The following SLC35H1 variants were observed in gnomAD, a reference collection of about 807,000 sequenced individuals.
The protein encoded by SLC35H1 is ovarian cancer-overexpressed gene 1 protein.
At chr20:46,355,894 C>A in the SLC35H1 span, 1 of 1,614,030 alleles carries the variant, frequency 6.2e-7, no homozygotes, top group South Asian at 1.1e-5. This position sits in a 1 kb window ranked among gnomAD's most constrained non-coding sequence, Gnocchi z 4.8. Flanking sequence ...AAATTACCCA[C>A]AATGCACTGC....
At chr20:46,348,075 C>G in the SLC35H1 span, 2 of 151,512 alleles carry the variant, frequency 1.3e-5, no homozygotes, top group East Asian at 3.9e-4. Flanking sequence ...ATGCTGCAGC[C>G]CTGAGATGCA....
At chr20:46,354,823 G>T in the SLC35H1 span, 1 of 1,438,568 alleles carries the variant, frequency 7.0e-7, no homozygotes, top group South Asian at 1.2e-5. Context: ...GTTGGGCTCA[G>T]GGCGAGGATC....
At chr20:46,346,089 G>A in the SLC35H1 span, 1 of 152,200 alleles carries the variant, frequency 6.6e-6, no homozygotes, top group African/African-American at 2.4e-5. Flanking sequence ...GCATTTGAAT[G>A]CATTTTCCTC....
chr20:46,355,167 G>T, the SLC35H1 span: 10 of 1,614,122 alleles, frequency 6.2e-6, no homozygotes, highest in Non-Finnish European at 8.5e-6. This position sits in a 1 kb window ranked among gnomAD's most constrained non-coding sequence, Gnocchi z 4.8. Context: ...CCTCCACGTT[G>T]AACTGTGTGG....
chr20:46,361,675 TC>T, the SLC35H1 span, among the ~76,000 whole-genome samples: 28 of 151,868 alleles, frequency 1.8e-4, no homozygotes, highest in African/African-American at 6.0e-4. Context: ...GTCACATCCT[TC>T]CCCCCATCCC....
the SLC35H1 span, chr20:46,346,260 A>C: frequency 6.6e-6 from 1 of 152,230 alleles, no homozygotes; most frequent in Admixed American, 6.5e-5. Flanking sequence ...AACCATGGGA[A>C]CAGACGTTAA....
At chr20:46,355,675 G>T in the SLC35H1 span, 28 of 1,385,914 alleles carry the variant, frequency 2.0e-5, no homozygotes, top group Non-Finnish European at 2.8e-5. This position sits in a 1 kb window ranked among gnomAD's most constrained non-coding sequence, Gnocchi z 4.8. Flanking sequence ...CTCAGAAAGG[G>T]ATCTACTGCC....
At chr20:46,346,487 A>T in the SLC35H1 span, 1 of 152,152 alleles carries the variant, frequency 6.6e-6, no homozygotes, top group Non-Finnish European at 1.5e-5. Flanking sequence ...TCCTTCAAAA[A>T]ACAAGCATCT....
the SLC35H1 span, chr20:46,347,446 G>A: frequency 6.6e-6 from 1 of 152,264 alleles, no homozygotes; most frequent in Non-Finnish European, 1.5e-5. Flanking sequence ...CCTGGGCTGG[G>A]AGGAAGGCTG....
At chr20:46,354,431 G>A in the SLC35H1 span, among the ~76,000 whole-genome samples, 1 of 152,150 alleles carries the variant, frequency 6.6e-6, no homozygotes, top group Non-Finnish European at 1.5e-5. Flanking sequence ...CCATTCCTTA[G>A]AGGCAAGATA....
At chr20:46,350,522 C>G in the SLC35H1 span, 2 of 1,597,686 alleles carry the variant, frequency 1.3e-6, no homozygotes, top group Non-Finnish European at 1.7e-6. Flanking sequence ...GGGCCACCAT[C>G]ACCTTGGGAT....
the SLC35H1 span, chr20:46,358,631 G>A: frequency 1.3e-6 from 2 of 1,561,864 alleles, no homozygotes; most frequent in South Asian, 1.2e-5. Context: ...CCAGGCTGGA[G>A]GAGCTCTCTG....
the SLC35H1 span, among the ~76,000 whole-genome samples, chr20:46,357,281 C>T: frequency 1.1e-4 from 17 of 152,256 alleles, no homozygotes; most frequent in Non-Finnish European, 2.2e-4. Flanking sequence ...CCTCCATGTC[C>T]GTGTCACAGC....
chr20:46,351,457 G>A, the SLC35H1 span, among the ~76,000 whole-genome samples: 6 of 152,188 alleles, frequency 3.9e-5, no homozygotes, highest in African/African-American at 1.4e-4. Context: ...TGGCCAAAGA[G>A]AAAAGTCCCT....
chr20:46,355,907 G>A, the SLC35H1 span: 1 of 1,613,830 alleles, frequency 6.2e-7, no homozygotes, highest in African/African-American at 1.3e-5. The surrounding 1 kb of genome is among the most constrained non-coding windows in gnomAD (Gnocchi z 4.8). Context: ...TGCACTGCTG[G>A]AGCTCAGGGC....
At chr20:46,347,145 C>T in the SLC35H1 span, 1 of 152,326 alleles carries the variant, frequency 6.6e-6, no homozygotes, top group East Asian at 1.9e-4. Context: ...TCTGTAGAGA[C>T]AAGGAAACAG....
At chr20:46,354,975 G>C in the SLC35H1 span, 2 of 1,613,922 alleles carry the variant, frequency 1.2e-6, no homozygotes, top group Non-Finnish European at 1.7e-6. Flanking sequence ...CCTGCAGGGC[G>C]GGGGACAGGC....
chr20:46,358,875 C>T, the SLC35H1 span: 23 of 723,234 alleles, frequency 3.2e-5, no homozygotes, highest in South Asian at 2.3e-4. Context: ...CTGCCCACAA[C>T]GGCACAGGCA....
chr20:46,354,921 T>C, the SLC35H1 span: 2 of 1,613,276 alleles, frequency 1.2e-6, no homozygotes, highest in Non-Finnish European at 1.7e-6. Context: ...CCCAGGAACA[T>C]GAGTGGCTGC....
Sources: allele counts gnomAD v4.1 joint callset (sites outside exome capture counted in the v4.1 genomes callset), GRCh38; gene constraint gnomAD v4.1.1; non-coding constraint Gnocchi (gnomAD v3.1); transcripts MANE v1.5; gene names NCBI Gene and HGNC (gene_info 2026-07-23, HGNC 2026-07-21).